The following TNIK variants were observed in gnomAD, a reference collection of about 807,000 sequenced individuals.
TNIK encodes the protein TRAF2 and NCK interacting kinase.
Under a neutral mutation model 191.3 loss-of-function variants are expected in TNIK, and 49 were observed. The ratio of observed to expected loss-of-function variants is 0.26; its 90% CI spans 0.20 to 0.32. The LOEUF (loss-of-function observed/expected upper bound fraction) is 0.32. Ranked by LOEUF, TNIK falls within the 10% of genes least tolerant of loss-of-function variation. The probability of loss-of-function intolerance (pLI) is 1.00; values close to 1 mark genes in which losing one functional copy is unlikely to be tolerated. For synonymous variants in TNIK, 594 were observed against 600.9 expected (o/e 0.99, Z 0.17); for missense variants, 1,155 against 1,702.3 (o/e 0.68, Z 5.66).
At chr3:171,079,917 TACTC>T (rs1412147588) in intron 27 of TNIK, among the ~76,000 whole-genome samples, 2 of 152,224 alleles carry the variant, frequency 1.3e-5, no homozygotes, top group Admixed American at 1.3e-4. Flanking sequence ...CATGTGCTCT[TACTC>T]TCTCTTCCCA....
intron 2 of TNIK, among the ~76,000 whole-genome samples, chr3:171,322,839 CTTTTT>C (rs10617013): frequency 8.8e-5 from 12 of 136,340 alleles, no homozygotes; most frequent in South Asian, 2.4e-4. Flanking sequence ...GTTTTCTTTT[CTTTTT>C]TTTTTTTTTT....
At chr3:171,392,778 CAAAAA>C (rs60306915) in intron 1 of TNIK, among the ~76,000 whole-genome samples, 2 of 95,282 alleles carry the variant, frequency 2.1e-5, no homozygotes, top group Non-Finnish European at 4.1e-5. Flanking sequence ...GATTCTGTCT[CAAAAA>C]AAAAAAAAAA....
chr3:171,258,962 C>A (rs553833319), intron 2 of TNIK, among the ~76,000 whole-genome samples: 1 of 152,142 alleles, frequency 6.6e-6, no homozygotes, highest in Non-Finnish European at 1.5e-5. Flanking sequence ...CACGCAAACA[C>A]GCCACTGAAA....
At chr3:171,133,037 A>G (rs1420119171) in intron 15 of TNIK, among the ~76,000 whole-genome samples, 1 of 152,202 alleles carries the variant, frequency 6.6e-6, no homozygotes, top group Non-Finnish European at 1.5e-5. Context: ...GAGCTGAGTA[A>G]TATCGTTGGG....
At chr3:171,261,635 T>C (rs1204676450) in intron 2 of TNIK, among the ~76,000 whole-genome samples, 2 of 152,242 alleles carry the variant, frequency 1.3e-5, no homozygotes, top group Non-Finnish European at 2.9e-5. Flanking sequence ...TAATTTCCTG[T>C]CTTCCTGTAC....
At chr3:171,344,741 ACTGACTCCTC>A (rs1221642145) in intron 2 of TNIK, among the ~76,000 whole-genome samples, 1 of 151,860 alleles carries the variant, frequency 6.6e-6, no homozygotes, top group East Asian at 1.9e-4. Context: ...GTTTTTCTTA[ACTGACTCCTC>A]CTGCTTGAAA....
intron 2 of TNIK, among the ~76,000 whole-genome samples, chr3:171,321,475 G>A (rs1315989363): frequency 6.6e-6 from 1 of 152,176 alleles, no homozygotes; most frequent in Non-Finnish European, 1.5e-5. Context: ...GAGTTGCACA[G>A]ATAAAAGGCA....
In TNIK at chr3:171,138,191, C is replaced by A. The variant is rs1035568174; in HGVS notation, c.1608G>T (p.Glu536Asp). 6 of 1,583,502 alleles carry A rather than the reference C, an allele frequency of 3.8e-6. No individual in the cohort carries two copies. Among genetic ancestry groups the A allele is most frequent in the Non-Finnish European group, 5.1e-6 (6 of 1,168,188 alleles). The change falls in exon 15 of 33, where the codon GAG (glutamate) becomes GAT (aspartate). Residue 536 changes from glutamate to aspartate, a missense_variant and splice_region_variant. By Grantham distance (45) the Glu-to-Asp change is conservative. Coordinates refer to ENST00000436636, the MANE Select transcript of TNIK (RefSeq NM_015028.4). Reference protein sequence around the residue: ...SPSEKPAWAKEVEERSRLNRQ... With the variant: ...SPSEKPAWAKDVEERSRLNRQ... ...GGTGAGGCTACCCTTGCTTACTTACCTCCTTGGCCCATGCTGGCTTCTCAC... is the reference window on the plus strand; with the variant it reads ...GGTGAGGCTACCCTTGCTTACTTACATCCTTGGCCCATGCTGGCTTCTCAC...
intron 1 of TNIK, among the ~76,000 whole-genome samples, chr3:171,433,811 C>G (rs1725664473): frequency 6.6e-6 from 1 of 151,670 alleles, no homozygotes. Flanking sequence ...TAATTCAGGC[C>G]TTTAGTATGT....
At chr3:171,288,838 G>A (rs1751356518) in intron 2 of TNIK, among the ~76,000 whole-genome samples, 1 of 150,070 alleles carries the variant, frequency 6.7e-6, no homozygotes, top group Non-Finnish European at 1.5e-5. Context: ...ATGGCTGGCA[G>A]ATTTGAAGCA....
At chr3:171,410,423 G>A (rs1179676405) in intron 1 of TNIK, among the ~76,000 whole-genome samples, 1 of 152,192 alleles carries the variant, frequency 6.6e-6, no homozygotes, top group African/African-American at 2.4e-5. Context: ...AGGTCTCAGA[G>A]TAATCAGCTC....
At chr3:171,270,189 G>A (rs1397900137) in intron 2 of TNIK, among the ~76,000 whole-genome samples, 1 of 152,142 alleles carries the variant, frequency 6.6e-6, no homozygotes, top group East Asian at 1.9e-4. Context: ...GCCACAGTTG[G>A]GTAGGTCACT....
chr3:171,304,394 A>G (rs1350945860), intron 2 of TNIK, among the ~76,000 whole-genome samples: 1 of 152,124 alleles, frequency 6.6e-6, no homozygotes, highest in Non-Finnish European at 1.5e-5. Context: ...AAATAGGAAC[A>G]CTTTTACACT....
chr3:171,211,400 A>G (rs1740802986), intron 3 of TNIK, among the ~76,000 whole-genome samples, 159 bp from the exon 4 acceptor site: 1 of 152,186 alleles, frequency 6.6e-6, no homozygotes, highest in Non-Finnish European at 1.5e-5. Flanking sequence ...CTAAAACATA[A>G]TACATTGGCT....
chr3:171,133,353 A>G (rs1331578071), intron 15 of TNIK, among the ~76,000 whole-genome samples: 2 of 152,266 alleles, frequency 1.3e-5, no homozygotes, highest in Non-Finnish European at 2.9e-5. Flanking sequence ...AGGCGACGCC[A>G]GTGAATTGGT....
intron 10 of TNIK, among the ~76,000 whole-genome samples, chr3:171,166,597 G>A (rs555716236): frequency 1.2e-4 from 19 of 152,226 alleles, no homozygotes; most frequent in Non-Finnish European, 2.2e-4. Flanking sequence ...AGCAAGCCTG[G>A]CAACCTAATG....
At chr3:171,237,594 TG>T (rs1744435732) in intron 2 of TNIK, among the ~76,000 whole-genome samples, 1 of 152,070 alleles carries the variant, frequency 6.6e-6, no homozygotes, top group Non-Finnish European at 1.5e-5. Context: ...ATAACATGTA[TG>T]TTGGTAAAAT....
At chr3:171,448,383 C>T (rs948145168) in intron 1 of TNIK, among the ~76,000 whole-genome samples, 5 of 152,108 alleles carry the variant, frequency 3.3e-5, no homozygotes, top group Admixed American at 1.3e-4. Flanking sequence ...TGTGTCTTCT[C>T]GTGTTTGGCT....
chr3:171,208,397 A>G (rs191822152), intron 4 of TNIK, among the ~76,000 whole-genome samples: 56 of 152,318 alleles, frequency 3.7e-4, no homozygotes, highest in African/African-American at 1.3e-3. Flanking sequence ...TTAAAATGAA[A>G]TTACTGAAAT....
Sources: allele counts gnomAD v4.1 joint callset (sites outside exome capture counted in the v4.1 genomes callset), GRCh38; gene constraint gnomAD v4.1.1; transcripts MANE v1.5; gene names NCBI Gene and HGNC (gene_info 2026-07-23, HGNC 2026-07-21).